Variants in CLNK observed in about 807,000 individuals in gnomAD.
The protein encoded by CLNK is cytokine dependent hematopoietic cell linker.
A neutral mutation model predicts 68.6 loss-of-function variants in CLNK; 74 were observed. That is an observed-to-expected ratio of 1.08 (90% CI 0.89 to 1.31). The LOEUF is 1.31. CLNK is among the 50% of genes most tolerant of loss of function. CLNK has a pLI of 0.00. For synonymous variants in CLNK, 198 were observed against 172.2 expected (o/e 1.15, Z -1.17); for missense variants, 553 against 515.3 (o/e 1.07, Z -0.71).
chr4:10,496,381 C>T (rs924461568), intron 18 of CLNK, among the ~76,000 whole-genome samples: 2 of 152,090 alleles, frequency 1.3e-5, no homozygotes, highest in East Asian at 1.9e-4. Flanking sequence ...TTTAAAGAGG[C>T]GTGATTCTTC....
At chr4:10,528,327 C>T (rs1718403521) in intron 12 of CLNK, among the ~76,000 whole-genome samples, 1 of 152,186 alleles carries the variant, frequency 6.6e-6, no homozygotes, top group African/African-American at 2.4e-5. Flanking sequence ...GCTGATGGGA[C>T]TATCAATTGC....
chr4:10,601,645 G>A (rs565610465), intron 2 of CLNK, among the ~76,000 whole-genome samples: 1 of 152,288 alleles, frequency 6.6e-6, no homozygotes, highest in Non-Finnish European at 1.5e-5. Flanking sequence ...ACCTCGAAAG[G>A]AGATGCTCAA....
At chr4:10,539,532 A>G (rs1718933185) in intron 11 of CLNK, among the ~76,000 whole-genome samples, 1 of 152,228 alleles carries the variant, frequency 6.6e-6, no homozygotes, top group Non-Finnish European at 1.5e-5. Context: ...ATGCAGAAAC[A>G]AGGAGGAAAT....
the CLNK span, among the ~76,000 whole-genome samples, chr4:10,696,544 A>G: frequency 6.6e-6 from 1 of 152,202 alleles, no homozygotes; most frequent in Non-Finnish European, 1.5e-5. Flanking sequence ...TAAGCTGGCA[A>G]TAAACTCTTT....
the CLNK span, among the ~76,000 whole-genome samples, chr4:10,705,708 G>A: frequency 6.6e-6 from 1 of 152,180 alleles, no homozygotes; most frequent in Non-Finnish European, 1.5e-5. Context: ...CAATCTTAAG[G>A]TCAGTTGATT....
chr4:10,633,439 T>C (rs890661281), intron 2 of CLNK, among the ~76,000 whole-genome samples: 26 of 152,364 alleles, frequency 1.7e-4, no homozygotes, highest in African/African-American at 6.3e-4. Context: ...ACGCTTACTC[T>C]GTGCCAGATG....
At position 10,550,780 on chromosome 4, in the gene CLNK, T is replaced by C. The variant is rs2108813958; in HGVS notation, c.445+7627A>G. On this transcript the variant is annotated intron_variant, in intron 8 of 18. Coordinates refer to ENST00000226951, the MANE Select transcript of CLNK (RefSeq NM_052964.4). The stretch of plus-strand genomic sequence containing the variant: ...ACCTCAGCATACAATATTTTTTCTT[T>C]CCTTTTCAAGTTGAGAACTTCCACC... Among the ~76,000 whole-genome samples the C allele has an allele frequency of 2.0e-5, 3 of 152,340 alleles. No individual in the cohort carries two copies. The South Asian group carries it at 6.2e-4, about 32-fold the overall frequency.
At chr4:10,695,151 A>T in the CLNK span, among the ~76,000 whole-genome samples, 6 of 151,764 alleles carry the variant, frequency 4.0e-5, no homozygotes, top group East Asian at 1.2e-3. Context: ...TGTATTGTAT[A>T]TTTCAAAATT....
chr4:10,494,737 G>A lies in CLNK; in HGVS notation c.1141-4124C>T, dbSNP rs1381605998. Among the ~76,000 whole-genome samples, 5 of 152,340 alleles carry A rather than the reference G, an allele frequency of 3.3e-5. No homozygotes were observed. In the South Asian group the frequency reaches 1.0e-3, roughly 32 times the overall value. ...GCCTCCTAAAGTGCTGGGATTACAG[G>A]CGTGAGCCCCCGCGCCCAGCCTGGT... On this transcript the variant is annotated intron_variant, in intron 18 of 18. Coordinates refer to ENST00000226951, the MANE Select transcript of CLNK (RefSeq NM_052964.4).
chr4:10,561,631 A>G (rs1182786145), intron 7 of CLNK, among the ~76,000 whole-genome samples: 2 of 152,178 alleles, frequency 1.3e-5, no homozygotes, highest in African/African-American at 4.8e-5. Flanking sequence ...CCACTGGTCC[A>G]ATCTCTCTGG....
intron 8 of CLNK, among the ~76,000 whole-genome samples, chr4:10,546,227 C>T (rs986233673): frequency 2.6e-5 from 4 of 152,122 alleles, no homozygotes; most frequent in Non-Finnish European, 5.9e-5. Flanking sequence ...CAAATTTATC[C>T]ACTCTACTTC....
chr4:10,718,797 A>G, the CLNK span, among the ~76,000 whole-genome samples: 6 of 152,092 alleles, frequency 3.9e-5, no homozygotes, highest in Non-Finnish European at 8.8e-5. Flanking sequence ...CTTCAAAATT[A>G]TGTTTAATGG....
At chr4:10,693,752 C>T in the CLNK span, among the ~76,000 whole-genome samples, 1 of 152,118 alleles carries the variant, frequency 6.6e-6, no homozygotes, top group Admixed American at 6.5e-5. Context: ...AACATTTATG[C>T]CTGAAGAGTA....
chr4:10,699,512 A>ATATATATATATATATATATTT, the CLNK span, among the ~76,000 whole-genome samples: 1 of 32,766 alleles, frequency 3.1e-5, no homozygotes, highest in African/African-American at 1.2e-4. Context: ...ATATATATAT[A>ATATATATATATATATATATTT]TTTTTTTTTT....
intron 11 of CLNK, among the ~76,000 whole-genome samples, chr4:10,539,153 T>G (rs867253388): frequency 2.0e-5 from 3 of 152,218 alleles, no homozygotes; most frequent in Admixed American, 1.3e-4. Flanking sequence ...ACAGACCATT[T>G]GAATCGAGAC....
intron 4 of CLNK, among the ~76,000 whole-genome samples, chr4:10,572,570 T>A (rs1452648845): frequency 1.3e-5 from 2 of 152,266 alleles, no homozygotes; most frequent in Admixed American, 6.5e-5. Context: ...AACAATTTTT[T>A]AAAAATTTCC....
chr4:10,636,091 G>A (rs1203589582), intron 2 of CLNK, among the ~76,000 whole-genome samples: 5 of 152,172 alleles, frequency 3.3e-5, no homozygotes, highest in Non-Finnish European at 5.9e-5. Flanking sequence ...GGGCTGGGTA[G>A]ACTTACAAAA....
the CLNK span, among the ~76,000 whole-genome samples, chr4:10,724,780 G>A: frequency 2.0e-5 from 3 of 152,308 alleles, no homozygotes; most frequent in East Asian, 3.9e-4. Flanking sequence ...TGGGGCTCAT[G>A]TTGTCCCATT....
At chr4:10,618,099 T>C (rs1460464434) in intron 2 of CLNK, among the ~76,000 whole-genome samples, 4 of 152,104 alleles carry the variant, frequency 2.6e-5, no homozygotes, top group Non-Finnish European at 4.4e-5. Flanking sequence ...GTATTATCCA[T>C]AAGAGCCTCA....
Sources: allele counts gnomAD v4.1 joint callset (sites outside exome capture counted in the v4.1 genomes callset), GRCh38; gene constraint gnomAD v4.1.1; transcripts MANE v1.5; gene names NCBI Gene and HGNC (gene_info 2026-07-23, HGNC 2026-07-21).